Variants in RAET1L observed in about 807,000 individuals in gnomAD.
The protein encoded by RAET1L is UL16-binding protein 6.
In RAET1L, 16 loss-of-function variants were observed where a neutral mutation model predicts 23.9. That is an observed-to-expected ratio of 0.67 (90% confidence interval 0.45 to 1.02). The LOEUF (loss-of-function observed/expected upper bound fraction) is 1.02, where lower values mean the gene tolerates loss of function less well. Among genes scored for constraint, RAET1L ranks in the 50% least tolerant of loss-of-function variants. The pLI, the probability that RAET1L is intolerant of heterozygous loss-of-function variation, is 0.00. For synonymous variants in RAET1L, 70 were observed against 111.2 expected, an observed-to-expected ratio of 0.63 and a Z score of 2.33; for missense variants, 233 against 304.0, an observed-to-expected ratio of 0.77 and a Z score of 1.74.
Position 150,020,966 on chromosome 6 carries a change from G to A in RAET1L, c.570C>T (p.Cys190=), listed in dbSNP as rs143992476. The change falls in exon 3 of 5, where the codon TGC becomes TGT. Residue 190 remains cysteine, a synonymous_variant. Coordinates refer to ENST00000367341, the MANE Select transcript of RAET1L (RefSeq NM_130900.3). The part of the protein sequence containing the change: ...MSFHYISMGD[C]IGWLEDFLMG... ...TCAAGAAGTCCTCAAGCCATCCTAT[G>A]CAGTCTCCCATTGAGATGTAATGGA... 429 of 1,614,114 alleles carry A rather than the reference G, an allele frequency of 2.7e-4. No individual in the cohort carries two copies. The highest frequency in any genetic ancestry group is 3.3e-4 in the Non-Finnish European group (385 of 1,179,970).
intron 1 of RAET1L, among the ~76,000 whole-genome samples, chr6:150,023,709 C>T (rs1185488782): frequency 6.6e-6 from 1 of 152,136 alleles, no homozygotes; most frequent in Non-Finnish European, 1.5e-5. Context: ...GTCACAATGT[C>T]TAATTGGAGA....
At chr6:150,025,042 C>T (rs1450726994) in intron 1 of RAET1L, among the ~76,000 whole-genome samples, 1 of 152,078 alleles carries the variant, frequency 6.6e-6, no homozygotes, top group East Asian at 1.9e-4. Flanking sequence ...GTCCTGACCC[C>T]AGCTCTGTTC....
chr6:150,023,808 A>G (rs1240899561), intron 1 of RAET1L, among the ~76,000 whole-genome samples: 3 of 152,210 alleles, frequency 2.0e-5, no homozygotes, highest in South Asian at 4.1e-4. Context: ...TGGCTCCTGT[A>G]GAGTACTGCA....
At position 150,019,026 on chromosome 6, in the gene RAET1L, T is replaced by C. The variant is rs148801810; in HGVS notation, c.*23-171A>G. 2.2e-4 allele frequency among the ~76,000 whole-genome samples: 34 copies of C among 152,224 alleles called. No homozygotes were observed. In the Middle Eastern group the frequency reaches 0.01, roughly 46 times the overall value. ...AGCTTGGACCTACCTCTTTCCTCCT[T>C]TGTCACATCACAGAGTCAGCCCAGG... On this transcript the variant is annotated intron_variant, in intron 4 of 4. Transcript: ENST00000367341.
chr6:150,024,652 GCA>G (rs2114762042), intron 1 of RAET1L, among the ~76,000 whole-genome samples: 1 of 152,186 alleles, frequency 6.6e-6, no homozygotes, highest in Non-Finnish European at 1.5e-5. Context: ...CATCCCCCCT[GCA>G]CAGGTTCTGA....
rs540591402 is a variant in RAET1L, at chr6:150,019,409, C to A, written c.*23-554G>T. Among the ~76,000 whole-genome samples, 47 of 152,340 alleles carry A rather than the reference C, an allele frequency of 3.1e-4. 1 individual carries two copies. The highest frequency in any genetic ancestry group is 7.3e-5 in the Non-Finnish European group (5 of 68,030). On this transcript the variant is annotated intron_variant, in intron 4 of 4. Coordinates refer to ENST00000367341, the MANE Select transcript of RAET1L (RefSeq NM_130900.3). ...AGATGCTCCTTCCTCTGAGTCCACTCTGCTCCTGGCAGGGCTATGACTGGG... is the reference window on the plus strand; with the variant it reads ...AGATGCTCCTTCCTCTGAGTCCACTATGCTCCTGGCAGGGCTATGACTGGG...
At chr6:150,023,386 C>A (rs561036537) in intron 1 of RAET1L, among the ~76,000 whole-genome samples, 19 of 151,836 alleles carry the variant, frequency 1.3e-4, no homozygotes, top group Admixed American at 3.9e-4. Context: ...AATGAAGCCA[C>A]TTCTCAGACC....
rs148910730 is a variant in RAET1L, at chr6:150,020,717, G to C, written c.631+188C>G. 3.8e-4 allele frequency among the ~76,000 whole-genome samples: 58 copies of C among 152,264 alleles called. 1 individual carries two copies. The East Asian group carries it at 0.01, about 27-fold the overall frequency. On this transcript the variant is annotated intron_variant, in intron 3 of 4. Coordinates refer to ENST00000367341, the MANE Select transcript of RAET1L (RefSeq NM_130900.3). ...AAGTGCAGTGAGGAATAGGAGTCAG[G>C]AGGGAGAAGGAAGAGGAGGGTGGGA...
chr6:150,021,176 G>T lies in RAET1L; in HGVS notation c.360C>A (p.Thr120=), dbSNP rs199893673. ...GCTCACAAGACATCCTTGCCTGCAG[G>T]GTGAGGGGTTCTGCCCCCATCAGAG... ...LENYTPKEPL[T]LQARMSCEQK... is the part of the protein sequence containing the mutation. The change falls in exon 3 of 5, where the codon ACC becomes ACA. Residue 120 remains threonine (T), a synonymous_variant. Transcript: ENST00000367341. 1 of 1,612,578 alleles carries T rather than the reference G, an allele frequency of 6.2e-7. No homozygotes were observed. Among genetic ancestry groups the T allele is most frequent in the African/African-American group, 1.3e-5 (1 of 74,802 alleles).
In RAET1L at chr6:150,020,955, A is replaced by G. The variant is rs1263040544; in HGVS notation, c.581T>C (p.Leu194Pro). The change falls in exon 3 of 5, where the codon CTT (leucine) becomes CCT (proline). Residue 194 changes from leucine (L) to proline (P), a missense_variant. Coordinates refer to ENST00000367341, the MANE Select transcript of RAET1L (RefSeq NM_130900.3). Reference sequence around the variant, plus strand: ...GTCCATGCCCATCAAGAAGTCCTCAAGCCATCCTATGCAGTCTCCCATTGA... The same window carrying G: ...GTCCATGCCCATCAAGAAGTCCTCAGGCCATCCTATGCAGTCTCCCATTGA... ...YISMGDCIGWLEDFLMGMDST... is the reference protein window; with the variant it reads ...YISMGDCIGWPEDFLMGMDST... 1 of 1,614,086 alleles carries G rather than the reference A, an allele frequency of 6.2e-7. No individual in the cohort carries two copies. The highest frequency in any genetic ancestry group is 1.3e-5 in the African/African-American group (1 of 74,920).
Position 150,021,091 on chromosome 6 carries a change from G to C in RAET1L, c.445C>G (p.Leu149Val). 6.2e-7 allele frequency: 1 copy of C among 1,614,132 alleles called. No homozygotes were observed. The highest frequency in any genetic ancestry group is 1.1e-5 in the South Asian group (1 of 91,074). Residue 149 changes from leucine (L) to valine (V), a missense_variant, in exon 3 of 5, where the codon CTA becomes GTA. By Grantham distance (32) the Leu-to-Val change is conservative. Coordinates refer to ENST00000367341, the MANE Select transcript of RAET1L (RefSeq NM_130900.3). ...WQFSIDGQTF[L>V]LFDSEKRMWT... ...ATTCTCTTCTCTGAGTCAAAGAGTAGGAAGGTCTGTCCATCGATACTGAAC... is the reference window on the plus strand; with the variant it reads ...ATTCTCTTCTCTGAGTCAAAGAGTACGAAGGTCTGTCCATCGATACTGAAC...
Position 150,021,075 on chromosome 6 carries a change from T to G in RAET1L, c.461A>C (p.Glu154Ala), listed in dbSNP as rs1261703374. 5.0e-6 allele frequency: 8 copies of G among 1,614,072 alleles called. No individual in the cohort carries two copies. In the Admixed American group the frequency reaches 1.3e-4, roughly 27 times the overall value. ...ATGAACCGTTGTCCACATTCTCTTCTCTGAGTCAAAGAGTAGGAAGGTCTG... is the reference window on the plus strand; with the variant it reads ...ATGAACCGTTGTCCACATTCTCTTCGCTGAGTCAAAGAGTAGGAAGGTCTG... The part of the protein sequence containing the change: ...DGQTFLLFDS[E>A]KRMWTTVHPG... Residue 154 changes from glutamate to alanine, a missense_variant, in exon 3 of 5, where the codon GAG (glutamate) becomes GCG (alanine). Transcript: ENST00000367341.
In RAET1L at chr6:150,021,112, T is replaced by C; in HGVS notation, c.424A>G (p.Ser142Gly). 6.2e-7 allele frequency: 1 copy of C among 1,614,168 alleles called. No homozygotes were observed. Among genetic ancestry groups the C allele is most frequent in the Non-Finnish European group, 8.5e-7 (1 of 1,180,024 alleles). The change falls in exon 3 of 5, where the codon AGT becomes GGT. Residue 142 changes from serine (S) to glycine (G), a missense_variant. Ser to Gly is a moderately conservative substitution (Grantham distance 56). Around this residue, in one of 4 missense-constraint regions of RAET1L, gnomAD observed 139 missense variants for 125.3 expected, o/e 1.11. Transcript: ENST00000367341. ...AGTAGGAAGGTCTGTCCATCGATAC[T>C]GAACTGCCAAGATCCACTGCTGTGT... Reference protein sequence around the residue: ...EGHSSGSWQFSIDGQTFLLFD... With the variant: ...EGHSSGSWQFGIDGQTFLLFD...
chr6:150,021,891 A>G (rs1221753301), intron 2 of RAET1L, 89 bp downstream of exon 2: 2 of 1,530,016 alleles, frequency 1.3e-6, no homozygotes, highest in African/African-American at 1.4e-5. Flanking sequence ...CGTGCCCAGG[A>G]CCCTTTTGTA....
chr6:150,019,450 G>C lies in RAET1L; in HGVS notation c.*23-595C>G, dbSNP rs574122979. On this transcript the variant is annotated intron_variant, in intron 4 of 4. Transcript: ENST00000367341. ...TATGACTGGGCTCAGGATCTGGGGT[G>C]TGCAGGAGTGTGATGGCAGGGGAGC... Among the ~76,000 whole-genome samples, 3 of 152,324 alleles carry C rather than the reference G, an allele frequency of 2.0e-5. No homozygotes were observed. The East Asian group carries it at 5.8e-4, about 29-fold the overall frequency.
intron 1 of RAET1L, 58 bp downstream of exon 1, chr6:150,025,329 A>G: frequency 7.0e-7 from 1 of 1,430,836 alleles, no homozygotes. Context: ...AACCCGCTGC[A>G]GTCCACAGTC....
At position 150,022,071 on chromosome 6, in the gene RAET1L, G is replaced by C. The variant is rs1307776514; in HGVS notation, c.258C>G (p.Ala86=). Residue 86 remains alanine (A), a synonymous_variant, in exon 2 of 5, where the codon GCC becomes GCG. Coordinates refer to ENST00000367341, the MANE Select transcript of RAET1L (RefSeq NM_130900.3). ...PLGKKLNVTM[A]WKAQNPVLRE... is the part of the protein sequence containing the mutation. ...TCAGTACTGGGTTCTGTGCTTTCCA[G>C]GCCATTGTGACATTTAGTTTCTTCC... 2 of 1,457,704 alleles carry C rather than the reference G, an allele frequency of 1.4e-6. No individual in the cohort carries two copies. The highest frequency in any genetic ancestry group is 1.7e-5 in the Admixed American group (1 of 57,302). 90.3% of individuals were successfully genotyped at this position (1,457,704 alleles called of 1,614,324 possible).
In RAET1L at chr6:150,018,790, G is replaced by T; in HGVS notation, c.*88C>A. 1 of 272,632 alleles carries T rather than the reference G, an allele frequency of 3.7e-6. No individual in the cohort carries two copies. 16.9% of individuals were successfully genotyped at this position (272,632 alleles called of 1,614,324 possible). Reference sequence around the variant, plus strand: ...CATACACCGTAGGTGGTGGGCAGCTGGCCAGACAGAAGGGCGAGGTTGATC... The same window carrying T: ...CATACACCGTAGGTGGTGGGCAGCTTGCCAGACAGAAGGGCGAGGTTGATC... On this transcript the variant is annotated 3_prime_UTR_variant, in exon 5 of 5. Coordinates refer to ENST00000367341, the MANE Select transcript of RAET1L (RefSeq NM_130900.3).
chr6:150,022,283 AG>A, intron 1 of RAET1L, 40 bp from the exon 2 acceptor site: 1 of 1,401,492 alleles, frequency 7.1e-7, no homozygotes, highest in Non-Finnish European at 9.7e-7. Flanking sequence ...GGGGAGGAAA[AG>A]ACCCCTAGTT....
Sources: allele counts gnomAD v4.1 joint callset (sites outside exome capture counted in the v4.1 genomes callset), GRCh38; gene constraint gnomAD v4.1.1; regional missense constraint gnomAD v4.1.1; transcripts MANE v1.5; gene names NCBI Gene and HGNC (gene_info 2026-07-23, HGNC 2026-07-21).